Variants in FAM78B observed in about 807,000 individuals in gnomAD.
FAM78B encodes protein FAM78B.
In FAM78B, 10 loss-of-function variants were observed where a neutral mutation model predicts 20.0. The observed-to-expected ratio is 0.50, with a 90% CI of 0.31 to 0.85. FAM78B has a LOEUF of 0.85. Among genes scored for constraint, FAM78B ranks in the 40% least tolerant of loss-of-function variants. The pLI, the probability that FAM78B is intolerant of heterozygous loss-of-function variation, is 0.05. For missense variants in FAM78B, 283 were observed against 345.0 expected, an observed-to-expected ratio of 0.82 and a Z score of 1.42; for synonymous variants, 135 against 132.8, an observed-to-expected ratio of 1.02 and a Z score of -0.12.
At chr1:166,106,308 A>T (rs929834729) in intron 1 of FAM78B, among the ~76,000 whole-genome samples, 13 of 151,822 alleles carry the variant, frequency 8.6e-5, no homozygotes, top group Middle Eastern at 3.2e-3. Context: ...ATACATATGT[A>T]ACAAACCTGC....
intron 1 of FAM78B, among the ~76,000 whole-genome samples, chr1:166,162,181 A>C (rs1479706924): frequency 6.6e-6 from 1 of 152,232 alleles, no homozygotes; most frequent in African/African-American, 2.4e-5. Flanking sequence ...AGACGAACTT[A>C]GCAAGAGCAG....
At chr1:166,066,887 G>A (rs1425104330), downstream of FAM78B, among the ~76,000 whole-genome samples, 1 of 152,126 alleles carries the variant, frequency 6.6e-6, no homozygotes, top group Admixed American at 6.5e-5. Flanking sequence ...CGGGAGATGT[G>A]CTTGGCTCTT....
rs1652354245 is a variant in FAM78B at position 166,077,836 on chromosome 1, TTTATATATATAA to T, written c.264-7085_264-7074del. ...GTAGATTATATATAAATATATATAA[TTTATATATATAA>T]TAATATATATAATTTATATATATAA... On this transcript the variant is annotated intron_variant, in intron 1 of 1. Transcript: ENST00000354422. Among the ~76,000 whole-genome samples the T allele has an allele frequency of 2.1e-4, 24 of 115,014 alleles. 2 individuals carry two copies. The highest frequency in any genetic ancestry group is 7.1e-4 in the African/African-American group (21 of 29,648). 75.5% of individuals were successfully genotyped at this position (115,014 alleles called of 152,430 possible).
At chr1:166,089,498 A>C (rs1166697758) in intron 1 of FAM78B, among the ~76,000 whole-genome samples, 1 of 152,070 alleles carries the variant, frequency 6.6e-6, no homozygotes, top group Non-Finnish European at 1.5e-5. Context: ...CAGCAGGGAA[A>C]AAGCAGAGGG....
intron 1 of FAM78B, among the ~76,000 whole-genome samples, chr1:166,094,709 C>A (rs1044507319): frequency 3.3e-5 from 5 of 152,138 alleles, no homozygotes; most frequent in Admixed American, 2.0e-4. Context: ...TCAAAATGGT[C>A]ACATATTCTG....
chr1:166,136,806 C>T (rs1655082709), intron 1 of FAM78B, among the ~76,000 whole-genome samples: 1 of 152,216 alleles, frequency 6.6e-6, no homozygotes, highest in African/African-American at 2.4e-5. Flanking sequence ...ATAGTCTAGG[C>T]TCCTGCTCAG....
chr1:166,165,596 T>TC (rs1448649885), intron 1 of FAM78B, among the ~76,000 whole-genome samples: 1 of 151,924 alleles, frequency 6.6e-6, no homozygotes, highest in Non-Finnish European at 1.5e-5. Context: ...GGCACTCCAC[T>TC]CCACTCCTCT....
At chr1:166,109,854 A>G (rs374753849) in intron 1 of FAM78B, among the ~76,000 whole-genome samples, 2,233 of 15,536 alleles carry the variant, frequency 0.14, 399 homozygotes, top group Non-Finnish European at 0.24. Context: ...ATATATATAT[A>G]TATATATGTA....
intron 1 of FAM78B, among the ~76,000 whole-genome samples, chr1:166,161,436 A>G: frequency 6.6e-6 from 1 of 152,212 alleles, no homozygotes. Context: ...TTTTATTCCA[A>G]TTGCAATGGT....
At chr1:166,123,192 CT>C (rs758000059) in intron 1 of FAM78B, among the ~76,000 whole-genome samples, 7 of 152,236 alleles carry the variant, frequency 4.6e-5, no homozygotes, top group Non-Finnish European at 7.3e-5. Flanking sequence ...CAGCTGCCTC[CT>C]TCTGGGCCTT....
At chr1:166,077,470 G>T (rs1015042400) in intron 1 of FAM78B, among the ~76,000 whole-genome samples, 3 of 151,472 alleles carry the variant, frequency 2.0e-5, no homozygotes, top group African/African-American at 7.3e-5. Flanking sequence ...AATAACTCCA[G>T]ATCTCCCTAC....
chr1:166,073,537 T>TC (rs200217545), intron 1 of FAM78B, among the ~76,000 whole-genome samples: 13,812 of 87,916 alleles, frequency 0.16, 817 homozygotes, highest in Middle Eastern at 0.25. Context: ...TCTTTCTCTC[T>TC]TTTTTTTTTT....
intron 1 of FAM78B, chr1:166,154,683 T>C (rs1655825361): frequency 7.6e-6 from 4 of 524,432 alleles, no homozygotes; most frequent in Non-Finnish European, 1.6e-5. Flanking sequence ...AGGTGACCAC[T>C]GACTGCTGCT....
intron 1 of FAM78B, among the ~76,000 whole-genome samples, chr1:166,082,201 G>T (rs1652610500): frequency 6.6e-6 from 1 of 152,126 alleles, no homozygotes; most frequent in East Asian, 1.9e-4. Context: ...CAGTTCTCCA[G>T]CCTCATTCAT....
At chr1:166,121,268 A>T (rs1336719925) in intron 1 of FAM78B, among the ~76,000 whole-genome samples, 2 of 151,952 alleles carry the variant, frequency 1.3e-5, no homozygotes, top group African/African-American at 4.8e-5. Context: ...ATCCCACCAC[A>T]GGTGTGTAGC....
At chr1:166,077,862 TTA>T (rs1166859978) in intron 1 of FAM78B, among the ~76,000 whole-genome samples, 1 of 32,498 alleles carries the variant, frequency 3.1e-5, no homozygotes, top group African/African-American at 7.9e-5. Context: ...TATATATAAT[TTA>T]TATATATAAT....
rs564348660 is a variant in FAM78B at position 166,080,314 on chromosome 1, TG to T, written c.264-9552del. ...CTCCCTCCCCGTAATGCCTTCTCTT[TG>T]GCCACCCAGGTTCCTCCTCAGCTAC... On this transcript the variant is annotated intron_variant, in intron 1 of 1. Transcript: ENST00000354422. Among the ~76,000 whole-genome samples, 11 of 151,662 alleles carry T rather than the reference TG, an allele frequency of 7.3e-5. No homozygotes were observed. The South Asian group carries it at 2.3e-3, about 32-fold the overall frequency.
chr1:166,091,058 C>T (rs1653046258), intron 1 of FAM78B, among the ~76,000 whole-genome samples: 1 of 152,122 alleles, frequency 6.6e-6, no homozygotes, highest in Admixed American at 6.5e-5. Flanking sequence ...GGCTCCTGAG[C>T]AGCATCCTGG....
rs137921585 is a variant in FAM78B at position 166,096,317 on chromosome 1, G to A, written c.264-25554C>T. Reference sequence around the variant, plus strand: ...GCAGGCTGGTCACTGGTCAGCACATGGCCTGGCCACTCTGGCATAACACAG... The same window carrying A: ...GCAGGCTGGTCACTGGTCAGCACATAGCCTGGCCACTCTGGCATAACACAG... On this transcript the variant is annotated intron_variant, in intron 1 of 1. Coordinates refer to ENST00000354422, the MANE Select transcript of FAM78B (RefSeq NM_001017961.5). Among the ~76,000 whole-genome samples the A allele has an allele frequency of 1.4e-4, 22 of 152,306 alleles. 1 individual carries two copies. The highest frequency in any genetic ancestry group is 4.6e-4 in the African/African-American group (19 of 41,582).
Sources: gnomAD v4.1 joint callset for allele counts (sites outside exome capture counted in the v4.1 genomes callset) on GRCh38, gnomAD v4.1.1 for gene constraint, MANE v1.5 for transcripts, NCBI Gene and HGNC (gene_info 2026-07-23, HGNC 2026-07-21) for gene names.